The following SPIN1 variants were observed in gnomAD, a reference collection of about 807,000 sequenced individuals.
The protein encoded by SPIN1 is spindlin 1, also known as spindlin-1.
In SPIN1, 3 loss-of-function variants were observed where a neutral mutation model predicts 26.0. The observed-to-expected ratio is 0.12, with a 90% confidence interval of 0.05 to 0.30. The LOEUF (loss-of-function observed/expected upper bound fraction) is 0.30. Ranked by LOEUF, SPIN1 falls within the 10% of genes least tolerant of loss-of-function variation. The pLI, the probability that SPIN1 is intolerant of heterozygous loss-of-function variation, is 1.00. For missense variants in SPIN1, 126 were observed against 333.4 expected (o/e 0.38, Z 4.84); for synonymous variants, 101 against 116.5 (o/e 0.87, Z 0.86).
intron 3 of SPIN1, among the ~76,000 whole-genome samples, chr9:88,449,441 T>G (rs1828316025): frequency 6.6e-6 from 1 of 152,140 alleles, no homozygotes; most frequent in Non-Finnish European, 1.5e-5. Flanking sequence ...TTATAGCATT[T>G]TTAAATGAAG....
chr9:88,419,010 A>G (rs1296170821), intron 1 of SPIN1: 1 of 152,212 alleles, frequency 6.6e-6, no homozygotes, highest in African/African-American at 2.4e-5. Flanking sequence ...GAGAATTTTG[A>G]GTTTCAGAAT....
At chr9:88,436,589 T>C (rs1373999645) in intron 2 of SPIN1, among the ~76,000 whole-genome samples, 1 of 152,054 alleles carries the variant, frequency 6.6e-6, no homozygotes, top group Admixed American at 6.6e-5. Flanking sequence ...CCCATTGTTC[T>C]TCTCTCTCTC....
intron 1 of SPIN1, among the ~76,000 whole-genome samples, chr9:88,401,949 A>C (rs1435969708): frequency 3.3e-5 from 5 of 152,210 alleles, no homozygotes; most frequent in Non-Finnish European, 7.3e-5. Flanking sequence ...AGAATGTATA[A>C]TGATCAAGTC....
intron 1 of SPIN1, among the ~76,000 whole-genome samples, chr9:88,396,087 A>G (rs942674989): frequency 3.3e-5 from 5 of 151,574 alleles, no homozygotes; most frequent in Non-Finnish European, 5.9e-5. Flanking sequence ...CGTCTCTACT[A>G]AGAATACAAA....
At chr9:88,396,385 T>C (rs1827058796) in intron 1 of SPIN1, among the ~76,000 whole-genome samples, 1 of 151,926 alleles carries the variant, frequency 6.6e-6, no homozygotes, top group African/African-American at 2.4e-5. Flanking sequence ...GCGGATTACC[T>C]GAAGCTGGGA....
chr9:88,431,849 A>C (rs1827879093), intron 2 of SPIN1, among the ~76,000 whole-genome samples: 1 of 152,044 alleles, frequency 6.6e-6, no homozygotes, highest in Non-Finnish European at 1.5e-5. Flanking sequence ...CAGGAGTGTG[A>C]GACTGCCTGG....
chr9:88,407,846 C>T (rs1827343017), intron 1 of SPIN1, among the ~76,000 whole-genome samples: 1 of 151,534 alleles, frequency 6.6e-6, no homozygotes, highest in Admixed American at 6.6e-5. Flanking sequence ...CTGCACCCTC[C>T]ACCTCCCAGG....
rs113216961 is a variant in SPIN1 at position 88,473,643 on chromosome 9, T to TTGTGTGTGTGTG, written c.590-1428_590-1417dup. On this transcript the variant is annotated intron_variant, in intron 5 of 5. Coordinates refer to ENST00000375859, the MANE Select transcript of SPIN1 (RefSeq NM_006717.3). ...TTCCCTCTCCTTTAATTCTCCAAAC[T>TTGTGTGTGTGTG]TGTGTGTGTGTGTGTGTGCACGCGC... 2.8e-3 allele frequency among the ~76,000 whole-genome samples: 330 copies of TTGTGTGTGTGTG among 119,338 alleles called. 1 individual carries two copies. Among genetic ancestry groups the TTGTGTGTGTGTG allele is most frequent in the African/African-American group, 9.2e-3 (316 of 34,376 alleles). The allele number at this position is 119,338 out of a possible 152,430, so 78.3% of individuals were successfully genotyped here.
intron 2 of SPIN1, 127 bp from the exon 3 acceptor site, chr9:88,448,814 G>C (rs548520097): frequency 1.4e-6 from 1 of 707,190 alleles, no homozygotes; most frequent in Non-Finnish European, 2.3e-6. Context: ...TTCTTAACAT[G>C]TTTGCTGGTA....
intron 2 of SPIN1, among the ~76,000 whole-genome samples, chr9:88,448,047 C>CT (rs113183923): frequency 0.057 from 8,178 of 142,660 alleles, 730 homozygotes; most frequent in African/African-American, 0.19. Context: ...TTGTTTTGGT[C>CT]TTTTTTTTTT....
chr9:88,416,432 C>G (rs1001433753), intron 1 of SPIN1, among the ~76,000 whole-genome samples: 1 of 151,800 alleles, frequency 6.6e-6, no homozygotes, highest in African/African-American at 2.4e-5. Flanking sequence ...CTCATGGGAT[C>G]CTCCCACCTC....
At chr9:88,413,183 C>T (rs143861335) in intron 1 of SPIN1, among the ~76,000 whole-genome samples, 31 of 150,660 alleles carry the variant, frequency 2.1e-4, no homozygotes, top group African/African-American at 7.1e-4. Context: ...TCTCCTGCCT[C>T]AGCCTCCTGA....
chr9:88,453,231 C>G (rs1370057101), intron 3 of SPIN1, among the ~76,000 whole-genome samples: 3 of 152,012 alleles, frequency 2.0e-5, no homozygotes, highest in Non-Finnish European at 2.9e-5. Flanking sequence ...ATGGTACTTT[C>G]AGAACTTCTT....
chr9:88,456,582 C>A (rs1828476879), intron 3 of SPIN1, among the ~76,000 whole-genome samples: 1 of 152,208 alleles, frequency 6.6e-6, no homozygotes, highest in Non-Finnish European at 1.5e-5. Flanking sequence ...CCTGTCACTT[C>A]TTAGCCTCTG....
chr9:88,442,304 C>T (rs918384705), intron 2 of SPIN1, among the ~76,000 whole-genome samples: 1 of 151,642 alleles, frequency 6.6e-6, no homozygotes, highest in Non-Finnish European at 1.5e-5. Context: ...TAAATAGTTC[C>T]CTCTACTATC....
chr9:88,457,615 A>G (rs1246700700), intron 3 of SPIN1, among the ~76,000 whole-genome samples: 1 of 152,150 alleles, frequency 6.6e-6, no homozygotes, highest in African/African-American at 2.4e-5. Flanking sequence ...TATTGTCTGT[A>G]ATTTTAGATG....
At chr9:88,409,718 G>A (rs542333841) in intron 1 of SPIN1, among the ~76,000 whole-genome samples, 1 of 151,964 alleles carries the variant, frequency 6.6e-6, no homozygotes, top group African/African-American at 2.4e-5. Flanking sequence ...GGCACCTGTA[G>A]TCCCAGCTAC....
At chr9:88,432,510 A>G (rs1827903250) in intron 2 of SPIN1, among the ~76,000 whole-genome samples, 1 of 146,286 alleles carries the variant, frequency 6.8e-6, no homozygotes, top group African/African-American at 2.6e-5. Flanking sequence ...TTTGAGACAG[A>G]GTCTTGCTCT....
chr9:88,449,048 A>T, intron 3 of SPIN1, 59 bp downstream of exon 3: 2 of 1,564,934 alleles, frequency 1.3e-6, no homozygotes, highest in Admixed American at 3.4e-5. Flanking sequence ...TACGCAGCAT[A>T]CAAGATCACC....
Sources: gnomAD v4.1 joint callset for allele counts (sites outside exome capture counted in the v4.1 genomes callset) on GRCh38, gnomAD v4.1.1 for gene constraint, MANE v1.5 for transcripts, NCBI Gene and HGNC (gene_info 2026-07-23, HGNC 2026-07-21) for gene names.